CDV3: variants seen among roughly 807,000 people sequenced by gnomAD.
CDV3 encodes the protein CDV3 homolog.
A neutral mutation model predicts 24.5 loss-of-function variants in CDV3; 14 were observed. The observed-to-expected ratio is 0.57, with a 90% CI of 0.38 to 0.89. The LOEUF (loss-of-function observed/expected upper bound fraction) is 0.89, where lower values mean the gene tolerates loss of function less well. Ranked by LOEUF, CDV3 falls within the 40% of genes least tolerant of loss-of-function variation. The pLI, the probability that CDV3 is intolerant of heterozygous loss-of-function variation, is 0.00. For missense variants in CDV3, 304 were observed against 310.2 expected, an observed-to-expected ratio of 0.98 and a Z score of 0.15; for synonymous variants, 114 against 114.1, an observed-to-expected ratio of 1.00 and a Z score of 0.00.
chr3:133,586,592 A>G lies in CDV3; in HGVS notation c.496A>G (p.Ser166Gly). 3 of 1,596,468 alleles carry G rather than the reference A, an allele frequency of 1.9e-6. No homozygotes were observed. Among genetic ancestry groups the G allele is most frequent in the South Asian group, 2.2e-5 (2 of 90,670 alleles). Residue 166 changes from serine to glycine, a missense_variant, in exon 4 of 5, where the codon AGT (serine) becomes GGT (glycine). Physicochemically the swap from Ser to Gly is moderately conservative, Grantham distance 56. Coordinates refer to ENST00000264993, the MANE Select transcript of CDV3 (RefSeq NM_017548.5). The stretch of plus-strand genomic sequence containing the variant: ...AGAAACCCCAGAACCAGCGATGACT[A>G]GTGGTGTGTATAGGCCTCCTGGGGC... The part of the protein sequence containing the change: ...VTETPEPAMT[S>G]GVYRPPGARL...
At chr3:133,584,547 C>G (rs1461015609) in intron 3 of CDV3, among the ~76,000 whole-genome samples, 1 of 151,966 alleles carries the variant, frequency 6.6e-6, no homozygotes, top group Non-Finnish European at 1.5e-5. Flanking sequence ...TGGTAACTAC[C>G]CTAGGGTTGG....
Position 133,588,303 on chromosome 3 carries a change from A to G in CDV3, c.*257A>G. The G allele has an allele frequency of 6.5e-7, 1 of 1,537,644 alleles. No homozygotes were observed. Among genetic ancestry groups the G allele is most frequent in the Non-Finnish European group, 8.7e-7 (1 of 1,146,860 alleles). ...TTTCATATTTACTCTGCAAATACAA[A>G]AAACCAAAACCTGCAGCCAGTGGTC... On this transcript the variant is annotated 3_prime_UTR_variant, in exon 5 of 5. Transcript: ENST00000264993.
In CDV3 at chr3:133,575,066, C is replaced by CA; in HGVS notation, c.273dup (p.Glu92ArgfsTer3). On this transcript the variant is annotated frameshift_variant, in exon 2 of 5. Transcript: ENST00000264993. LOFTEE classifies it high-confidence loss of function. ...CGAAGATGAATGGAAAGAATTGGAGCAAAAAGAGGTTGATTACAGCGGCCT... is the reference window on the plus strand; with the variant it reads ...CGAAGATGAATGGAAAGAATTGGAGCAAAAAAGAGGTTGATTACAGCGGCCT... The CA allele has an allele frequency of 6.2e-7, 1 of 1,604,920 alleles. No homozygotes were observed. Among genetic ancestry groups the CA allele is most frequent in the African/African-American group, 1.3e-5 (1 of 74,814 alleles).
chr3:133,581,450 T>G (rs1933004949), intron 2 of CDV3, among the ~76,000 whole-genome samples: 2 of 152,220 alleles, frequency 1.3e-5, no homozygotes, highest in South Asian at 2.1e-4. Flanking sequence ...ATGCTTGTTT[T>G]TAGAAATTTT....
chr3:133,578,290 G>A (rs184236282), intron 2 of CDV3, among the ~76,000 whole-genome samples: 1 of 152,324 alleles, frequency 6.6e-6, no homozygotes, highest in East Asian at 1.9e-4. Context: ...CTTTAAAGTG[G>A]ATTTTTGGGA....
In CDV3 at chr3:133,573,953, TGAGCGCAGAGCCGGCCTCGACCCC is replaced by T. The variant is rs1458599660; in HGVS notation, c.-87_-64del. 10 of 969,176 alleles carry T rather than the reference TGAGCGCAGAGCCGGCCTCGACCCC, an allele frequency of 1.0e-5. No homozygotes were observed. The highest frequency in any genetic ancestry group is 1.2e-5 in the Non-Finnish European group (10 of 814,026). The allele number at this position is 969,176 out of a possible 1,614,324, so 60.0% of individuals were successfully genotyped here. A position where few individuals can be genotyped will look rare whatever the true frequency, so the allele number is the denominator to read the frequency against. On this transcript the variant is annotated 5_prime_UTR_variant, in exon 1 of 5. Transcript: ENST00000264993. ...TGAGGCGTCGCCGCGCCCGGCAGCG[TGAGCGCAGAGCCGGCCTCGACCCC>T]GAGCTCGGAGCCCCGCGGGCCGCGC...
Position 133,574,191 on chromosome 3 carries a change from CGG to C in CDV3, c.148_149del (p.Gly50ArgfsTer10). The C allele has an allele frequency of 2.9e-6, 3 of 1,020,122 alleles. No individual in the cohort carries two copies. The highest frequency in any genetic ancestry group is 3.5e-6 in the Non-Finnish European group (3 of 857,696). The allele number at this position is 1,020,122 out of a possible 1,614,324, so 63.2% of individuals were successfully genotyped here. A position where few individuals can be genotyped will look rare whatever the true frequency, so the allele number is the denominator to read the frequency against. ...GCAGTGGAGCCGCGGGTGCGGCGGG[CGG>C]CGGGGCGGGCGCGGGGACCCGGCCG... ...GSSGAAGAAG[G>X]GAGAGTRPGD... On this transcript the variant is annotated frameshift_variant, in exon 1 of 5. Coordinates refer to ENST00000264993, the MANE Select transcript of CDV3 (RefSeq NM_017548.5). LOFTEE classifies it high-confidence loss of function.
At position 133,589,595 on chromosome 3, in the gene CDV3, G is replaced by GT. The variant is rs1310131538; in HGVS notation, c.*1551dup. The GT allele has an allele frequency of 6.5e-6, 1 of 152,674 alleles. No homozygotes were observed. Among genetic ancestry groups the GT allele is most frequent in the Non-Finnish European group, 1.5e-5 (1 of 68,044 alleles). The allele number at this position is 152,674 out of a possible 1,614,324, so 9.5% of individuals were successfully genotyped here. ...ATAAATCCCTTTGCCAAATGCATGA[G>GT]TTGCAGACTTGCTACTGGCAAGAGT... On this transcript the variant is annotated 3_prime_UTR_variant, in exon 5 of 5. Coordinates refer to ENST00000264993, the MANE Select transcript of CDV3 (RefSeq NM_017548.5).
intron 3 of CDV3, 59 bp downstream of exon 3, chr3:133,584,209 G>A (rs1042506031): frequency 4.6e-6 from 6 of 1,304,464 alleles, no homozygotes; most frequent in Non-Finnish European, 6.5e-6. Context: ...TTTATATATG[G>A]TCCACTTTCA....
intron 2 of CDV3, among the ~76,000 whole-genome samples, chr3:133,582,706 T>G (rs1162869623): frequency 6.6e-6 from 1 of 152,120 alleles, no homozygotes; most frequent in Non-Finnish European, 1.5e-5. Flanking sequence ...CAGCCTTTTT[T>G]TTATAGGAAG....
chr3:133,586,534 T>A (rs200451799), intron 3 of CDV3, 29 bp from the exon 4 acceptor site: 2 of 1,253,720 alleles, frequency 1.6e-6, no homozygotes, highest in Non-Finnish European at 2.3e-6. Flanking sequence ...ATTTAAATAG[T>A]TTATCTAAAA....
rs200087138 is a variant in CDV3, at chr3:133,587,973, C to T, written c.704C>T (p.Ala235Val). Residue 235 changes from alanine to valine, a missense_variant, in exon 5 of 5, where the codon GCC becomes GTC. Ala to Val is a moderately conservative substitution (Grantham distance 64, BLOSUM62 0). Coordinates refer to ENST00000264993, the MANE Select transcript of CDV3 (RefSeq NM_017548.5). ...AGGGATGAGGTTTCAAAAAACCAGG[C>T]CCTTAAACTTCAGCTAGACAACCAA... is the stretch of plus-strand genomic sequence containing the variant. ...RGRDEVSKNQ[A>V]LKLQLDNQYA... The T allele has an allele frequency of 6.2e-7, 1 of 1,613,856 alleles. No individual in the cohort carries two copies. The highest frequency in any genetic ancestry group is 1.7e-5 in the Admixed American group (1 of 59,992).
Position 133,587,610 on chromosome 3 carries a change from G to A in CDV3, c.627-286G>A, listed in dbSNP as rs78836194. 1.5e-3 allele frequency: 1,736 copies of A among 1,144,898 alleles called. 3 individuals carry two copies. Among genetic ancestry groups the A allele is most frequent in the Admixed American group, 2.7e-3 (62 of 23,282 alleles). 70.9% of individuals were successfully genotyped at this position (1,144,898 alleles called of 1,614,324 possible). ...TAAAAGTAAGAGTCTTAGGAGGAAT[G>A]TCATTACACAGCTTTTAACAGTTTT... On this transcript the variant is annotated intron_variant, in intron 4 of 4. Transcript: ENST00000264993.
At chr3:133,583,341 T>A (rs1279888252) in intron 2 of CDV3, among the ~76,000 whole-genome samples, 1 of 152,242 alleles carries the variant, frequency 6.6e-6, no homozygotes, top group Non-Finnish European at 1.5e-5. Context: ...CTTCATTTGC[T>A]CACTAAAAAT....
Position 133,589,759 on chromosome 3 carries a change from T to TA in CDV3, c.*1713_*1714insA, listed in dbSNP as rs1933939382. 6.6e-6 allele frequency: 1 copy of TA among 152,582 alleles called. No individual in the cohort carries two copies. 9.5% of individuals were successfully genotyped at this position (152,582 alleles called of 1,614,324 possible). A position where few individuals can be genotyped will look rare whatever the true frequency, so the allele number is the denominator to read the frequency against. The stretch of plus-strand genomic sequence containing the variant: ...CCTGACGGGACCTGCCACTCGCATC[T>TA]GGGCAATGTTGACATTTGAGGTGGC... On this transcript the variant is annotated 3_prime_UTR_variant, in exon 5 of 5. Transcript: ENST00000264993.
At chr3:133,582,128 G>A (rs1406582972) in intron 2 of CDV3, among the ~76,000 whole-genome samples, 1 of 151,954 alleles carries the variant, frequency 6.6e-6, no homozygotes, top group Non-Finnish European at 1.5e-5. Flanking sequence ...CTTCTGGTTG[G>A]TAGGTAATTC....
Position 133,587,990 on chromosome 3 carries a change from G to C in CDV3, c.721G>C (p.Asp241His). 6.2e-7 allele frequency: 1 copy of C among 1,614,048 alleles called. No homozygotes were observed. The highest frequency in any genetic ancestry group is 8.5e-7 in the Non-Finnish European group (1 of 1,180,004). The stretch of plus-strand genomic sequence containing the variant: ...AAACCAGGCCCTTAAACTTCAGCTA[G>C]ACAACCAATATGCTGTGCTTGAAAA... ...SKNQALKLQLDNQYAVLENQK... is the reference protein window; with the variant it reads ...SKNQALKLQLHNQYAVLENQK... Residue 241 changes from aspartate to histidine, a missense_variant, in exon 5 of 5, where the codon GAC becomes CAC. Coordinates refer to ENST00000264993, the MANE Select transcript of CDV3 (RefSeq NM_017548.5).
intron 2 of CDV3, 128 bp downstream of exon 2, chr3:133,575,243 A>C (rs1349245738): frequency 8.5e-6 from 5 of 588,852 alleles, no homozygotes; most frequent in African/African-American, 5.6e-5. Context: ...TTAGGACTCA[A>C]ATGGGTTCTG....
At chr3:133,585,653 C>T (rs891016308) in intron 3 of CDV3, among the ~76,000 whole-genome samples, 5 of 152,154 alleles carry the variant, frequency 3.3e-5, no homozygotes, top group South Asian at 2.1e-4. Context: ...CACCACCATG[C>T]CCCGCTACAT....
Sources: gnomAD v4.1 joint callset for allele counts (sites outside exome capture counted in the v4.1 genomes callset) on GRCh38, gnomAD v4.1.1 for gene constraint, MANE v1.5 for transcripts, NCBI Gene and HGNC (gene_info 2026-07-23, HGNC 2026-07-21) for gene names.